The following NPAT variants were observed in gnomAD, a reference collection of about 807,000 sequenced individuals.
NPAT encodes the protein protein NPAT.
A neutral mutation model predicts 130.7 loss-of-function variants in NPAT; 52 were observed. That is an observed-to-expected ratio of 0.40 (90% confidence interval 0.32 to 0.50). The LOEUF is 0.50. NPAT is among the 20% of genes least tolerant of loss of function. The pLI is 0.68. For synonymous variants in NPAT, 580 were observed against 584.8 expected (o/e 0.99, Z 0.12); for missense variants, 1,687 against 1,662.6 (o/e 1.01, Z -0.26).
chr11:108,196,635 T>A (rs898744008), intron 2 of NPAT, among the ~76,000 whole-genome samples: 1 of 152,238 alleles, frequency 6.6e-6, no homozygotes, highest in African/African-American at 2.4e-5. Context: ...TCACACATAT[T>A]TTGTTAGATT....
chr11:108,202,950 C>G (rs1024232695), intron 1 of NPAT, among the ~76,000 whole-genome samples: 6 of 152,104 alleles, frequency 3.9e-5, no homozygotes, highest in Non-Finnish European at 8.8e-5. Context: ...GGCCTTACTT[C>G]AAGGAGGCTG....
rs1263539675 is a variant in NPAT, at chr11:108,200,951, A to C, written c.38-3531T>G. 3.9e-5 allele frequency among the ~76,000 whole-genome samples: 6 copies of C among 152,338 alleles called. No homozygotes were observed. In the East Asian group the frequency reaches 1.2e-3, roughly 29 times the overall value. Reference sequence around the variant, plus strand: ...ATTCAAAGATCCATCCAACCAGACCACAAAGCTAACCTGGATGGTGTTACC... The same window carrying C: ...ATTCAAAGATCCATCCAACCAGACCCCAAAGCTAACCTGGATGGTGTTACC... On this transcript the variant is annotated intron_variant, in intron 1 of 17. Coordinates refer to ENST00000278612, the MANE Select transcript of NPAT (RefSeq NM_002519.3).
chr11:108,180,187 C>A (rs1440370804), intron 10 of NPAT, among the ~76,000 whole-genome samples: 1 of 152,034 alleles, frequency 6.6e-6, no homozygotes, highest in African/African-American at 2.4e-5. Context: ...ATTAGCCAGG[C>A]ATGGTGACAC....
chr11:108,208,494 G>A, intron 1 of NPAT: 1 of 455,430 alleles, frequency 2.2e-6, no homozygotes, highest in Non-Finnish European at 4.4e-6. Flanking sequence ...AGGTGGAGGT[G>A]GGAGGATAGC....
chr11:108,192,641 C>G (rs953650213), intron 3 of NPAT, among the ~76,000 whole-genome samples: 1 of 152,138 alleles, frequency 6.6e-6, no homozygotes, highest in Non-Finnish European at 1.5e-5. Flanking sequence ...TAAACAATCT[C>G]TCTCACTGGG....
intron 1 of NPAT, among the ~76,000 whole-genome samples, chr11:108,200,233 T>G (rs1468927056): frequency 6.6e-6 from 1 of 152,200 alleles, no homozygotes; most frequent in East Asian, 1.9e-4. Flanking sequence ...AGACTGATTT[T>G]TTTCCCTCTT....
In NPAT at chr11:108,161,888, G is replaced by A. The variant is rs367641429; in HGVS notation, c.3198C>T (p.Phe1066=). The change falls in exon 17 of 18, where the codon TTC becomes TTT. Residue 1066 remains phenylalanine (F), a synonymous_variant. Coordinates refer to ENST00000278612, the MANE Select transcript of NPAT (RefSeq NM_002519.3). ...TTGCCACAGGAGCAGTAGTGCTGTCGAAACAGAGTACACGTCTGTGGCATG... is the reference window on the plus strand; with the variant it reads ...TTGCCACAGGAGCAGTAGTGCTGTCAAAACAGAGTACACGTCTGTGGCATG... The part of the protein sequence containing the change: ...AKPCHRRVLC[F]DSTTAPVANT... The A allele has an allele frequency of 8.7e-5, 140 of 1,613,844 alleles. No homozygotes were observed. The African/African-American group carries it at 1.4e-3, about 16-fold the overall frequency.
intron 2 of NPAT, among the ~76,000 whole-genome samples, chr11:108,195,706 C>T (rs951396839): frequency 2.0e-5 from 3 of 152,084 alleles, no homozygotes; most frequent in African/African-American, 4.8e-5. Flanking sequence ...TGGCTCACAA[C>T]AGCCCTGACC....
intron 15 of NPAT, among the ~76,000 whole-genome samples, chr11:108,162,477 C>A (rs186432469): frequency 6.6e-6 from 1 of 152,346 alleles, no homozygotes; most frequent in East Asian, 1.9e-4. Flanking sequence ...ATCACCCAGG[C>A]TGGAGCGCAG....
At chr11:108,169,906 A>G (rs764639788) in intron 14 of NPAT, 22 bp downstream of exon 14, 8 of 1,609,302 alleles carry the variant, frequency 5.0e-6, no homozygotes, top group Middle Eastern at 1.7e-4. Flanking sequence ...TCACCACACC[A>G]TTTTCAGTTC....
At chr11:108,162,796 T>C (rs972613105) in intron 15 of NPAT, among the ~76,000 whole-genome samples, 2 of 152,200 alleles carry the variant, frequency 1.3e-5, no homozygotes, top group African/African-American at 4.8e-5. Context: ...GCACATAATG[T>C]ACTACTTACA....
intron 1 of NPAT, among the ~76,000 whole-genome samples, chr11:108,201,674 C>T (rs1323752626): frequency 2.6e-5 from 4 of 152,324 alleles, no homozygotes; most frequent in Admixed American, 6.5e-5. Flanking sequence ...TGGGGTATAA[C>T]GTAACCATTT....
chr11:108,170,332 T>A, intron 13 of NPAT: 1 of 379,382 alleles, frequency 2.6e-6, no homozygotes, highest in South Asian at 2.3e-5. Context: ...CATAAGACTC[T>A]ACAGCCAAGA....
chr11:108,160,314 A>C (rs1160893482), intron 17 of NPAT, among the ~76,000 whole-genome samples: 1 of 151,956 alleles, frequency 6.6e-6, no homozygotes, highest in Non-Finnish European at 1.5e-5. Flanking sequence ...CGAGAGTGAA[A>C]CCCTCTCTCA....
At chr11:108,177,767 G>C (rs2078023005) in intron 10 of NPAT, among the ~76,000 whole-genome samples, 1 of 152,002 alleles carries the variant, frequency 6.6e-6, no homozygotes, top group South Asian at 2.1e-4. Flanking sequence ...CCAAGCTGGA[G>C]TGGAATGCAG....
At chr11:108,191,285 T>C (rs2078166900) in intron 4 of NPAT, among the ~76,000 whole-genome samples, 2 of 152,218 alleles carry the variant, frequency 1.3e-5, no homozygotes, top group African/African-American at 4.8e-5. Context: ...TTTATGACTA[T>C]GAAATTATTT....
Position 108,173,775 on chromosome 11 carries a change from G to C in NPAT, c.1209C>G (p.Asn403Lys). The C allele has an allele frequency of 6.2e-7, 1 of 1,614,124 alleles. No homozygotes were observed. The highest frequency in any genetic ancestry group is 8.5e-7 in the Non-Finnish European group (1 of 1,180,022). Residue 403 changes from asparagine to lysine, a missense_variant, in exon 13 of 18, where the codon AAC becomes AAG. Coordinates refer to ENST00000278612, the MANE Select transcript of NPAT (RefSeq NM_002519.3). ...DDPLNALKNSNNHDVLRQEDQ... is the reference protein window; with the variant it reads ...DDPLNALKNSKNHDVLRQEDQ... Reference sequence around the variant, plus strand: ...CTTCTTGTCTAAGCACATCATGGTTGTTGCTATTCTTCAAAGCATTTAATG... The same window carrying C: ...CTTCTTGTCTAAGCACATCATGGTTCTTGCTATTCTTCAAAGCATTTAATG...
chr11:108,215,963 TTCTTC>T (rs2134903651), intron 1 of NPAT, among the ~76,000 whole-genome samples: 1 of 152,362 alleles, frequency 6.6e-6, no homozygotes, highest in South Asian at 2.1e-4. Context: ...CTGCAATGTT[TTCTTC>T]TCTTTTTGTG....
intron 11 of NPAT, 103 bp from the exon 12 acceptor site, chr11:108,176,477 AG>A: frequency 1.1e-6 from 1 of 874,726 alleles, no homozygotes; most frequent in Non-Finnish European, 1.9e-6. Context: ...ACTTCGATTT[AG>A]GGTTTTATGG....
Sources: allele counts gnomAD v4.1 joint callset (sites outside exome capture counted in the v4.1 genomes callset), GRCh38; gene constraint gnomAD v4.1.1; transcripts MANE v1.5; gene names NCBI Gene and HGNC (gene_info 2026-07-23, HGNC 2026-07-21).